Variants in HMGCLL1 observed in about 807,000 individuals in gnomAD.
HMGCLL1 encodes the protein 3-hydroxymethyl-3-methylglutaryl-CoA lyase, cytoplasmic.
HMGCLL1 carries 36 observed loss-of-function variants against 39.1 expected under a neutral mutation model. The observed-to-expected ratio is 0.92, with a 90% CI of 0.71 to 1.22. The LOEUF is 1.22. Ranked by LOEUF, HMGCLL1 falls within the 50% of genes most tolerant of loss-of-function variation. The pLI, the probability that HMGCLL1 is intolerant of heterozygous loss-of-function variation, is 0.00. For synonymous variants in HMGCLL1, 149 were observed against 144.0 expected (o/e 1.03, Z -0.25); for missense variants, 451 against 416.5 (o/e 1.08, Z -0.72).
chr6:55,654,087 A>G, the HMGCLL1 span, among the ~76,000 whole-genome samples: 3 of 151,918 alleles, frequency 2.0e-5, no homozygotes, highest in African/African-American at 7.2e-5. Context: ...AGTATCAGCT[A>G]AGGAGTGTAA....
chr6:55,579,001 G>C lies in HMGCLL1; in HGVS notation c.55C>G (p.Arg19Gly). The change falls in exon 1 of 9, where the codon CGG (arginine) becomes GGG (glycine). Residue 19 changes from arginine to glycine, a missense_variant. Transcript: ENST00000274901. ...KHCLSYQQLL[R>G]EHLWIGDSVA... ...GAATCCCCGATCCAGAGATGCTCCC[G>C]GAGAAGCTGCTGGTAGCTGAGGCAG... 6.2e-7 allele frequency: 1 copy of C among 1,613,752 alleles called. No individual in the cohort carries two copies. Among genetic ancestry groups the C allele is most frequent in the Non-Finnish European group, 8.5e-7 (1 of 1,179,880 alleles).
At chr6:55,592,180 A>G in the HMGCLL1 span, among the ~76,000 whole-genome samples, 91 of 152,004 alleles carry the variant, frequency 6.0e-4, no homozygotes, top group African/African-American at 2.0e-3. Flanking sequence ...TCCTCTTCCC[A>G]CTTAATTTCT....
At chr6:55,579,358 A>G (rs1428915580), upstream of HMGCLL1, 1 of 482,614 alleles carries the variant, frequency 2.1e-6, no homozygotes, top group Non-Finnish European at 3.8e-6. Context: ...CATTTTCCGC[A>G]CTACACTGAG....
Position 55,579,080 on chromosome 6 carries a change from C to T in HMGCLL1, c.-25G>A. On this transcript the variant is annotated 5_prime_UTR_variant, in exon 1 of 9. Transcript: ENST00000274901. ...TGGCGGAGCCTGGGGCGGCAGTCGG[C>T]GAGGGGAGGGAGACTGGAGGAGGAT... is the stretch of plus-strand genomic sequence containing the variant. 6.4e-7 allele frequency: 1 copy of T among 1,558,752 alleles called. No homozygotes were observed. The highest frequency in any genetic ancestry group is 8.8e-7 in the Non-Finnish European group (1 of 1,137,964).
chr6:55,666,657 A>G, the HMGCLL1 span, among the ~76,000 whole-genome samples: 1 of 151,684 alleles, frequency 6.6e-6, no homozygotes, highest in African/African-American at 2.4e-5. Context: ...ACTCACACAG[A>G]TATTCTTTCC....
At chr6:55,570,545 T>C (rs1433987922) in intron 1 of HMGCLL1, among the ~76,000 whole-genome samples, 3 of 152,210 alleles carry the variant, frequency 2.0e-5, no homozygotes, top group Admixed American at 6.5e-5. Flanking sequence ...GTTTGATGAT[T>C]GGTATCCTTC....
upstream of HMGCLL1, among the ~76,000 whole-genome samples, chr6:55,582,699 G>A (rs1030145489): frequency 1.3e-5 from 2 of 152,022 alleles, no homozygotes; most frequent in Non-Finnish European, 2.9e-5. Context: ...GATACATAAA[G>A]ATATCAATGA....
At chr6:55,530,575 A>G (rs1279024403) in intron 3 of HMGCLL1, among the ~76,000 whole-genome samples, 1 of 152,120 alleles carries the variant, frequency 6.6e-6, no homozygotes, top group Non-Finnish European at 1.5e-5. Context: ...ATTTACAGGC[A>G]TACTCTAAAT....
the HMGCLL1 span, among the ~76,000 whole-genome samples, chr6:55,634,696 G>A: frequency 6.6e-6 from 1 of 152,040 alleles, no homozygotes; most frequent in South Asian, 2.1e-4. Context: ...AAGAACCCTT[G>A]TGGCACACTG....
At chr6:55,614,546 A>G in the HMGCLL1 span, among the ~76,000 whole-genome samples, 1 of 152,198 alleles carries the variant, frequency 6.6e-6, no homozygotes, top group Non-Finnish European at 1.5e-5. Flanking sequence ...ATATTTTCAT[A>G]GTATGAATTA....
chr6:55,577,287 A>T (rs1356944627), intron 1 of HMGCLL1: 2 of 1,342,208 alleles, frequency 1.5e-6, no homozygotes, highest in Non-Finnish European at 2.0e-6. Flanking sequence ...AATTATTTTT[A>T]AAAATTCCCG....
intron 1 of HMGCLL1, among the ~76,000 whole-genome samples, chr6:55,557,079 T>G (rs1212243850): frequency 6.6e-6 from 1 of 152,156 alleles, no homozygotes; most frequent in Non-Finnish European, 1.5e-5. Context: ...CTTTATAAAG[T>G]TAGATTCAAT....
chr6:55,435,612 A>G lies in HMGCLL1; in HGVS notation c.*50T>C. The G allele has an allele frequency of 9.8e-7, 1 of 1,017,214 alleles. No individual in the cohort carries two copies. 63.0% of individuals were successfully genotyped at this position (1,017,214 alleles called of 1,614,324 possible). On this transcript the variant is annotated 3_prime_UTR_variant, in exon 9 of 9. Coordinates refer to ENST00000274901, the MANE Select transcript of HMGCLL1 (RefSeq NM_001042406.2). ...TGGCATTAATGATTTTCAGATGAGT[A>G]TTGTAGCTGAAATTGATCTTCTCAA... is the stretch of plus-strand genomic sequence containing the variant.
At chr6:55,550,514 T>C (rs934213318) in intron 1 of HMGCLL1, among the ~76,000 whole-genome samples, 1 of 151,832 alleles carries the variant, frequency 6.6e-6, no homozygotes, top group African/African-American at 2.4e-5. Context: ...AGTTATTGAA[T>C]CCAATGGCAA....
At chr6:55,570,999 T>C (rs978079966) in intron 1 of HMGCLL1, among the ~76,000 whole-genome samples, 3 of 152,288 alleles carry the variant, frequency 2.0e-5, no homozygotes, top group Admixed American at 6.5e-5. Flanking sequence ...CTCATGAGAC[T>C]TATTCACTAC....
At chr6:55,606,796 G>A in the HMGCLL1 span, among the ~76,000 whole-genome samples, 45,982 of 151,734 alleles carry the variant, frequency 0.3, 7,608 homozygotes, top group African/African-American at 0.43. Flanking sequence ...TTTGGGTGAG[G>A]CGATTATCCT....
chr6:55,436,173 A>G (rs1763366110), intron 8 of HMGCLL1, among the ~76,000 whole-genome samples: 1 of 152,010 alleles, frequency 6.6e-6, no homozygotes, highest in Non-Finnish European at 1.5e-5. Context: ...CCTCTTTACT[A>G]TATAAAGAAA....
At chr6:55,608,091 T>C in the HMGCLL1 span, among the ~76,000 whole-genome samples, 103 of 152,320 alleles carry the variant, frequency 6.8e-4, 2 homozygotes, top group East Asian at 0.018. Context: ...CCTCTTATAT[T>C]AGTAAACATC....
At chr6:55,636,029 C>T in the HMGCLL1 span, among the ~76,000 whole-genome samples, 2 of 152,036 alleles carry the variant, frequency 1.3e-5, no homozygotes, top group Admixed American at 6.6e-5. Context: ...TCTGGTGTTT[C>T]CACTCTGAAA....
Sources: allele counts gnomAD v4.1 joint callset (sites outside exome capture counted in the v4.1 genomes callset), GRCh38; gene constraint gnomAD v4.1.1; transcripts MANE v1.5; gene names NCBI Gene and HGNC (gene_info 2026-07-23, HGNC 2026-07-21).